Variants in AOPEP observed in about 807,000 individuals in gnomAD.
The protein encoded by AOPEP is aminopeptidase O (putative).
Under a neutral mutation model 98.1 loss-of-function variants are expected in AOPEP, and 77 were observed. The ratio of observed to expected loss-of-function variants is 0.78; its 90% CI spans 0.65 to 0.95. AOPEP has a LOEUF of 0.95. Among genes scored for constraint, AOPEP ranks in the 40% least tolerant of loss-of-function variants. The pLI is 0.00. For synonymous variants in AOPEP, 346 were observed against 365.3 expected (o/e 0.95, Z 0.60); for missense variants, 1,024 against 1,024.7 (o/e 1.00, Z 0.01).
At chr9:95,144,302 C>G in the AOPEP span, among the ~76,000 whole-genome samples, 1 of 152,216 alleles carries the variant, frequency 6.6e-6, no homozygotes, top group East Asian at 1.9e-4. Context: ...GATTTGGACA[C>G]ACTGAAGACC....
At chr9:94,738,648 A>C (rs975349229) in intron 1 of AOPEP, among the ~76,000 whole-genome samples, 1 of 152,148 alleles carries the variant, frequency 6.6e-6, no homozygotes, top group African/African-American at 2.4e-5. Flanking sequence ...ATCTCCGCTC[A>C]CTGCAAGTTC....
chr9:94,994,456 C>G (rs534573561), intron 11 of AOPEP, among the ~76,000 whole-genome samples: 4 of 152,290 alleles, frequency 2.6e-5, no homozygotes, highest in African/African-American at 9.6e-5. Flanking sequence ...TTTATTTCTC[C>G]TAGTCACAAC....
chr9:94,730,779 G>T (rs1468438864), intron 1 of AOPEP, among the ~76,000 whole-genome samples: 2 of 152,152 alleles, frequency 1.3e-5, no homozygotes, highest in Non-Finnish European at 2.9e-5. Flanking sequence ...GGTTTTCTCA[G>T]GATTGTGTAG....
intron 5 of AOPEP, among the ~76,000 whole-genome samples, chr9:94,895,485 G>A (rs2049419606): frequency 6.7e-6 from 1 of 150,284 alleles, no homozygotes; most frequent in African/African-American, 2.4e-5. Context: ...TTAAAGTTAA[G>A]ATTAAAACAA....
intron 5 of AOPEP, among the ~76,000 whole-genome samples, chr9:94,859,918 CTA>C (rs935618038): frequency 1.2e-4 from 19 of 152,356 alleles, no homozygotes; most frequent in Admixed American, 3.9e-4. Flanking sequence ...GTACTGAACA[CTA>C]AATTCTTCGG....
At chr9:94,823,735 A>G (rs1325544756) in intron 5 of AOPEP, among the ~76,000 whole-genome samples, 2 of 152,172 alleles carry the variant, frequency 1.3e-5, no homozygotes, top group African/African-American at 4.8e-5. Context: ...AATTTGGAGA[A>G]TTCGTCAGAG....
chr9:94,777,391 C>T (rs1285298666), intron 3 of AOPEP, among the ~76,000 whole-genome samples: 2 of 149,074 alleles, frequency 1.3e-5, no homozygotes, highest in African/African-American at 5.0e-5. Context: ...GAGATCGTGC[C>T]ACTGCACTCC....
At chr9:94,814,766 C>T (rs912649030) in intron 5 of AOPEP, among the ~76,000 whole-genome samples, 4 of 152,130 alleles carry the variant, frequency 2.6e-5, no homozygotes, top group Non-Finnish European at 1.5e-5. Context: ...GTTGGTCTCC[C>T]GGTATTCGGG....
chr9:94,999,146 ACAAAAAACCC>A (rs1433217782), intron 11 of AOPEP, among the ~76,000 whole-genome samples: 2 of 152,134 alleles, frequency 1.3e-5, no homozygotes, highest in African/African-American at 2.4e-5. Context: ...TTAAAAAAAA[ACAAAAAACCC>A]CAAAAAACCC....
At position 94,737,727 on chromosome 9, in the gene AOPEP, A is replaced by G. The variant is rs189416412; in HGVS notation, c.-136+10976A>G. Among the ~76,000 whole-genome samples, 6 of 152,342 alleles carry G rather than the reference A, an allele frequency of 3.9e-5. No homozygotes were observed. The East Asian group carries it at 1.2e-3, about 29-fold the overall frequency. Reference sequence around the variant, plus strand: ...AAGACTGCAATATGTATAACTTGCCATGCCAATAAGCAACAAGATGTGGTG... The same window carrying G: ...AAGACTGCAATATGTATAACTTGCCGTGCCAATAAGCAACAAGATGTGGTG... On this transcript the variant is annotated intron_variant, in intron 1 of 16. Transcript: ENST00000375315.
intron 14 of AOPEP, among the ~76,000 whole-genome samples, chr9:95,064,326 G>A (rs887942977): frequency 4.6e-5 from 7 of 152,192 alleles, no homozygotes; most frequent in African/African-American, 1.7e-4. Context: ...ACGGAGTCTC[G>A]CTGTGTCTCC....
chr9:94,908,475 T>C (rs1309620241), intron 5 of AOPEP, among the ~76,000 whole-genome samples: 1 of 152,170 alleles, frequency 6.6e-6, no homozygotes, highest in Admixed American at 6.5e-5. Context: ...TCTAAGAGTA[T>C]AAGAAGTGGG....
the AOPEP span, among the ~76,000 whole-genome samples, chr9:95,119,159 A>C: frequency 2.0e-5 from 3 of 152,302 alleles, no homozygotes; most frequent in East Asian, 5.8e-4. Flanking sequence ...ATGACGCTGA[A>C]CAGTTTTCAT....
At chr9:94,768,677 C>G (rs1840188718) in intron 2 of AOPEP, among the ~76,000 whole-genome samples, 1 of 152,252 alleles carries the variant, frequency 6.6e-6, no homozygotes. Flanking sequence ...CTGTCCTACC[C>G]TGTTTTTCTC....
chr9:95,066,308 T>C (rs549986413), intron 14 of AOPEP, among the ~76,000 whole-genome samples: 5 of 152,312 alleles, frequency 3.3e-5, no homozygotes, highest in African/African-American at 4.8e-5. Flanking sequence ...TCCCCTGTTA[T>C]ACTGTGATAA....
intron 7 of AOPEP, among the ~76,000 whole-genome samples, chr9:94,954,551 G>A (rs74960518): frequency 0.028 from 4,337 of 152,256 alleles, 223 homozygotes; most frequent in African/African-American, 0.099. Flanking sequence ...GCCACATGTG[G>A]CCCATGGATG....
intron 14 of AOPEP, among the ~76,000 whole-genome samples, chr9:95,066,489 A>G (rs1232308182): frequency 6.6e-6 from 1 of 152,252 alleles, no homozygotes; most frequent in East Asian, 1.9e-4. Flanking sequence ...AATTTTTCTT[A>G]AATGGTCAGC....
At chr9:95,009,434 T>A (rs1165264350) in intron 13 of AOPEP, among the ~76,000 whole-genome samples, 2 of 152,156 alleles carry the variant, frequency 1.3e-5, no homozygotes, top group South Asian at 4.1e-4. Flanking sequence ...AAATTTCAAT[T>A]TTCAGATTCA....
intron 9 of AOPEP, 71 bp from the exon 10 acceptor site, chr9:94,967,687 C>T: frequency 7.5e-7 from 1 of 1,328,520 alleles, no homozygotes; most frequent in Non-Finnish European, 1.1e-6. Flanking sequence ...GAGCACTCAG[C>T]CTCTGGCATG....
Sources: gnomAD v4.1 joint callset for allele counts (sites outside exome capture counted in the v4.1 genomes callset) on GRCh38, gnomAD v4.1.1 for gene constraint, MANE v1.5 for transcripts, NCBI Gene and HGNC (gene_info 2026-07-23, HGNC 2026-07-21) for gene names.